The following PELI3 variants were observed in gnomAD, a reference collection of about 807,000 sequenced individuals.
PELI3 encodes the protein pellino E3 ubiquitin protein ligase family member 3.
A neutral mutation model predicts 35.5 loss-of-function variants in PELI3; 19 were observed. That is an observed-to-expected ratio of 0.54 (90% CI 0.37 to 0.79). PELI3 has a LOEUF of 0.79. Ranked by LOEUF, PELI3 falls within the 30% of genes least tolerant of loss-of-function variation. The probability of loss-of-function intolerance (pLI) is 0.00; values close to 1 mark genes in which losing one functional copy is unlikely to be tolerated. For synonymous variants in PELI3, 262 were observed against 279.2 expected (o/e 0.94, Z 0.62); for missense variants, 490 against 661.2 (o/e 0.74, Z 2.84).
At position 66,476,058 on chromosome 11, in the gene PELI3, C is replaced by G. The variant is rs1308044941; in HGVS notation, c.1301C>G (p.Pro434Arg). 2.5e-6 allele frequency: 4 copies of G among 1,610,456 alleles called. No individual in the cohort carries two copies. Among genetic ancestry groups the G allele is most frequent in the East Asian group, 4.5e-5 (2 of 44,842 alleles). ...EKTARYWAQTPLPHGTHAFHA... is the reference protein window; with the variant it reads ...EKTARYWAQTRLPHGTHAFHA... Reference sequence around the variant, plus strand: ...ACTGCCCGCTACTGGGCCCAGACACCACTGCCCCACGGCACCCATGCTTTC... The same window carrying G: ...ACTGCCCGCTACTGGGCCCAGACACGACTGCCCCACGGCACCCATGCTTTC... Residue 434 changes from proline to arginine, a missense_variant, in exon 8 of 8, where the codon CCA becomes CGA. Around this residue, in one of 3 missense-constraint regions of PELI3, gnomAD observed 349 missense variants for 484.8 expected, o/e 0.72. Transcript: ENST00000320740.
Position 66,473,360 on chromosome 11 carries a change from C to T in PELI3, c.576C>T (p.Leu192=). ...STISRYACRI[L]CDRRPPYTAR... is the part of the protein sequence containing the mutation. ...TCTCCCGCTATGCCTGCCGCATCCT[C>T]TGTGACCGCCGGCCACCCTATACTG... The change falls in exon 6 of 8, where the codon CTC becomes CTT. Residue 192 remains leucine, a synonymous_variant. Coordinates refer to ENST00000320740, the MANE Select transcript of PELI3 (RefSeq NM_145065.3). This position sits in a 1 kb window ranked among gnomAD's most constrained non-coding sequence, Gnocchi z 5.8. 6.2e-7 allele frequency: 1 copy of T among 1,613,660 alleles called. No individual in the cohort carries two copies. The highest frequency in any genetic ancestry group is 2.2e-5 in the East Asian group (1 of 44,886).
intron 4 of PELI3, among the ~76,000 whole-genome samples, chr11:66,471,598 T>C (rs1430781401): frequency 1.3e-5 from 2 of 152,092 alleles, no homozygotes; most frequent in East Asian, 3.9e-4. Flanking sequence ...ACTGGACCTC[T>C]CTGAACCTTG....
chr11:66,474,128 A>G (rs1219809600), intron 7 of PELI3: 1 of 728,534 alleles, frequency 1.4e-6, no homozygotes, highest in Admixed American at 2.1e-5. Context: ...AGGGTCCCCA[A>G]GCATAGCATG....
In PELI3 at chr11:66,473,449, A is replaced by G. The variant is rs1479649360; in HGVS notation, c.651+14A>G. On this transcript the variant is annotated intron_variant, in intron 6 of 7. Transcript: ENST00000320740. The surrounding 1 kb of genome is among the most constrained non-coding windows in gnomAD (Gnocchi z 5.8). ...ATCTTCCTTGGAGTGAGTGAGCCCC[A>G]GGAAGGGACCAACTCTTCATCTGTG... 5.6e-6 allele frequency: 9 copies of G among 1,600,040 alleles called. No homozygotes were observed. The highest frequency in any genetic ancestry group is 1.7e-5 in the Admixed American group (1 of 59,238).
rs767728868 is a variant in PELI3, at chr11:66,473,708, A to G, written c.652-29A>G. 151 of 1,609,798 alleles carry G rather than the reference A, an allele frequency of 9.4e-5. No individual in the cohort carries two copies. The highest frequency in any genetic ancestry group is 1.2e-4 in the Admixed American group (7 of 58,856). ...TGGCCTGCTGGGGGGCCCCTGGGGG[A>G]TGTGATCTGATCCCTCATGTGGTCC... On this transcript the variant is annotated intron_variant, in intron 6 of 7. Coordinates refer to ENST00000320740, the MANE Select transcript of PELI3 (RefSeq NM_145065.3). The surrounding 1 kb of genome is among the most constrained non-coding windows in gnomAD (Gnocchi z 5.8).
rs1280335663 is a variant in PELI3 at position 66,477,298 on chromosome 11, T to C, written c.*1131T>C. On this transcript the variant is annotated 3_prime_UTR_variant, in exon 8 of 8. Transcript: ENST00000320740. ...CACCATGTGCCCCGCACTGTGCTGATGATGATAATAATAACTACGTCCATT... is the reference window on the plus strand; with the variant it reads ...CACCATGTGCCCCGCACTGTGCTGACGATGATAATAATAACTACGTCCATT... The C allele has an allele frequency of 6.6e-6, 1 of 152,166 alleles. No individual in the cohort carries two copies. Among genetic ancestry groups the C allele is most frequent in the East Asian group, 1.9e-4 (1 of 5,194 alleles). The allele number at this position is 152,166 out of a possible 1,614,324, so 9.4% of individuals were successfully genotyped here. A position where few individuals can be genotyped will look rare whatever the true frequency, so the allele number is the denominator to read the frequency against.
At position 66,473,458 on chromosome 11, in the gene PELI3, C is replaced by T. The variant is rs1590720790; in HGVS notation, c.651+23C>T. ...GGAGTGAGTGAGCCCCAGGAAGGGA[C>T]CAACTCTTCATCTGTGAGGCAAGGG... On this transcript the variant is annotated intron_variant, in intron 6 of 7. Coordinates refer to ENST00000320740, the MANE Select transcript of PELI3 (RefSeq NM_145065.3). The surrounding 1 kb of genome is among the most constrained non-coding windows in gnomAD (Gnocchi z 5.8). 6.3e-7 allele frequency: 1 copy of T among 1,593,156 alleles called. No homozygotes were observed. The highest frequency in any genetic ancestry group is 8.6e-7 in the Non-Finnish European group (1 of 1,166,782).
Position 66,476,211 on chromosome 11 carries a change from G to C in PELI3, c.*44G>C. On this transcript the variant is annotated 3_prime_UTR_variant, in exon 8 of 8. Coordinates refer to ENST00000320740, the MANE Select transcript of PELI3 (RefSeq NM_145065.3). ...CTGCTGTGCCCACCTGCCCACCCAG[G>C]TCCCCACCTCCTGCAGCCCAGAGGG... The C allele has an allele frequency of 6.7e-7, 1 of 1,503,232 alleles. No individual in the cohort carries two copies. Among genetic ancestry groups the C allele is most frequent in the South Asian group, 1.2e-5 (1 of 81,858 alleles). The allele number at this position is 1,503,232 out of a possible 1,614,324, so 93.1% of individuals were successfully genotyped here.
At position 66,473,740 on chromosome 11, in the gene PELI3, C is replaced by G. The variant is rs755175557; in HGVS notation, c.655C>G (p.Arg219Gly). The G allele has an allele frequency of 6.2e-7, 1 of 1,613,728 alleles. No homozygotes were observed. Among genetic ancestry groups the G allele is most frequent in the South Asian group, 1.1e-5 (1 of 91,080 alleles). Reference sequence around the variant, plus strand: ...CTGATCCCTCATGTGGTCCCAGGAGCGAGCGGCCAAATGGCGGACCCCAGA... The same window carrying G: ...CTGATCCCTCATGTGGTCCCAGGAGGGAGCGGCCAAATGGCGGACCCCAGA... ...DASSNIFLGE[R>G]AAKWRTPDGL... The change falls in exon 7 of 8, where the codon CGA becomes GGA. Residue 219 changes from arginine (R) to glycine (G), a missense_variant. Arg to Gly is a moderately radical substitution (Grantham distance 125). Around this residue, in one of 3 missense-constraint regions of PELI3, gnomAD observed 349 missense variants for 484.8 expected, o/e 0.72. Coordinates refer to ENST00000320740, the MANE Select transcript of PELI3 (RefSeq NM_145065.3). This position sits in a 1 kb window ranked among gnomAD's most constrained non-coding sequence, Gnocchi z 5.8.
At chr11:66,471,511 G>A (rs888452523) in intron 4 of PELI3, 140 bp downstream of exon 4, 20 of 1,198,228 alleles carry the variant, frequency 1.7e-5, no homozygotes, top group Non-Finnish European at 2.3e-5. Flanking sequence ...CTGCTTATTG[G>A]GCCATCCGAG....
Position 66,471,344 on chromosome 11 carries a change from C to T in PELI3, c.327C>T (p.His109=), listed in dbSNP as rs989674043. The change falls in exon 4 of 8, where the codon CAC becomes CAT. Residue 109 remains histidine (H), a synonymous_variant. Coordinates refer to ENST00000320740, the MANE Select transcript of PELI3 (RefSeq NM_145065.3). The stretch of plus-strand genomic sequence containing the variant: ...ACGGGGTGAAGCCAGACGTCATGCA[C>T]CACATCTCCACGCCGCTCGTCTCCA... ...HANGVKPDVM[H]HISTPLVSKA... 6.2e-7 allele frequency: 1 copy of T among 1,614,064 alleles called. No individual in the cohort carries two copies. Among genetic ancestry groups the T allele is most frequent in the African/African-American group, 1.3e-5 (1 of 75,064 alleles).
rs1212444412 is a variant in PELI3 at position 66,467,389 on chromosome 11, G to C, written c.-2+362G>C. ...CCAAACGGGCTGCCTGCGGGAGACGGCTGTGCTGCAGCCCGAGCTCGAGGG... is the reference window on the plus strand; with the variant it reads ...CCAAACGGGCTGCCTGCGGGAGACGCCTGTGCTGCAGCCCGAGCTCGAGGG... On this transcript the variant is annotated intron_variant, in intron 1 of 7. Transcript: ENST00000320740. The surrounding 1 kb of genome is among the most constrained non-coding windows in gnomAD (Gnocchi z 4.2). 6.6e-6 allele frequency: 1 copy of C among 152,126 alleles called. No homozygotes were observed. Among genetic ancestry groups the C allele is most frequent in the African/African-American group, 2.4e-5 (1 of 41,428 alleles). The allele number at this position is 152,126 out of a possible 1,614,324, so 9.4% of individuals were successfully genotyped here. A position where few individuals can be genotyped will look rare whatever the true frequency, so the allele number is the denominator to read the frequency against.
chr11:66,473,705 G>C lies in PELI3; in HGVS notation c.652-32G>C. ...ACATGGCCTGCTGGGGGGCCCCTGGGGGATGTGATCTGATCCCTCATGTGG... is the reference window on the plus strand; with the variant it reads ...ACATGGCCTGCTGGGGGGCCCCTGGCGGATGTGATCTGATCCCTCATGTGG... On this transcript the variant is annotated intron_variant, in intron 6 of 7. Transcript: ENST00000320740. This position sits in a 1 kb window ranked among gnomAD's most constrained non-coding sequence, Gnocchi z 5.8. 1 of 1,608,140 alleles carries C rather than the reference G, an allele frequency of 6.2e-7. No homozygotes were observed. The highest frequency in any genetic ancestry group is 8.5e-7 in the Non-Finnish European group (1 of 1,178,490).
chr11:66,471,205 C>A, intron 3 of PELI3, 37 bp from the exon 4 acceptor site: 1 of 1,585,850 alleles, frequency 6.3e-7, no homozygotes, highest in Non-Finnish European at 8.6e-7. Flanking sequence ...TCTCTCTCCT[C>A]TTGCAACCCC....
In PELI3 at chr11:66,476,382, G is replaced by T; in HGVS notation, c.*215G>T. ...CATGCTGATGGGGCCTTCAGCACCA[G>T]CTCTGTCCTGGGTCGATGGAGGAAA... On this transcript the variant is annotated 3_prime_UTR_variant, in exon 8 of 8. Transcript: ENST00000320740. 6.6e-6 allele frequency: 4 copies of T among 604,682 alleles called. No individual in the cohort carries two copies. Among genetic ancestry groups the T allele is most frequent in the Admixed American group, 3.0e-5 (1 of 33,386 alleles). 37.5% of individuals were successfully genotyped at this position (604,682 alleles called of 1,614,324 possible). A position where few individuals can be genotyped will look rare whatever the true frequency, so the allele number is the denominator to read the frequency against.
chr11:66,471,177 G>A (rs1229829102), intron 3 of PELI3, 65 bp from the exon 4 acceptor site: 2 of 1,527,406 alleles, frequency 1.3e-6, no homozygotes, highest in African/African-American at 1.4e-5. Flanking sequence ...CTCATCAGGG[G>A]TTCACTTTCT....
Position 66,473,820 on chromosome 11 carries a change from C to T in PELI3, c.735C>T (p.Gly245=), listed in dbSNP as rs773772009. The change falls in exon 7 of 8, where the codon GGC becomes GGT. Residue 245 remains glycine, a synonymous_variant. Coordinates refer to ENST00000320740, the MANE Select transcript of PELI3 (RefSeq NM_145065.3). This position sits in a 1 kb window ranked among gnomAD's most constrained non-coding sequence, Gnocchi z 5.8. ...GAGTCCTGGTGATGCACCCGGCAGG[C>T]GGCTTCTCCGAGGACTCAGCCCCGG... is the stretch of plus-strand genomic sequence containing the variant. The part of the protein sequence containing the change: ...TNGVLVMHPA[G]GFSEDSAPGV... 34 of 1,613,772 alleles carry T rather than the reference C, an allele frequency of 2.1e-5. No individual in the cohort carries two copies. The highest frequency in any genetic ancestry group is 1.1e-4 in the South Asian group (10 of 91,088).
At chr11:66,470,592 C>G (rs765047952) in intron 3 of PELI3, among the ~76,000 whole-genome samples, 2 of 152,242 alleles carry the variant, frequency 1.3e-5, no homozygotes, top group Non-Finnish European at 2.9e-5. Context: ...GCCTCACCTC[C>G]TCTGTGCCTC....
Position 66,467,987 on chromosome 11 carries a change from G to A in PELI3, c.-1-141G>A. 1 of 1,046,420 alleles carries A rather than the reference G, an allele frequency of 9.6e-7. No individual in the cohort carries two copies. Among genetic ancestry groups the A allele is most frequent in the Non-Finnish European group, 1.3e-6 (1 of 763,386 alleles). The allele number at this position is 1,046,420 out of a possible 1,614,324, so 64.8% of individuals were successfully genotyped here. On this transcript the variant is annotated intron_variant, in intron 1 of 7. Transcript: ENST00000320740. The surrounding 1 kb of genome is among the most constrained non-coding windows in gnomAD (Gnocchi z 4.2). The stretch of plus-strand genomic sequence containing the variant: ...CTCGGGCAGTTTAGAGGAGGCAGAG[G>A]GGAAGTGGTTGCCATAGCAGTAGAG...
Sources: allele counts gnomAD v4.1 joint callset (sites outside exome capture counted in the v4.1 genomes callset), GRCh38; gene constraint gnomAD v4.1.1; regional missense constraint gnomAD v4.1.1; non-coding constraint Gnocchi (gnomAD v3.1); transcripts MANE v1.5; gene names NCBI Gene and HGNC (gene_info 2026-07-23, HGNC 2026-07-21).